ATP2B3: variants seen among roughly 807,000 people sequenced by gnomAD.
ATP2B3 encodes ATPase plasma membrane Ca2+ transporting 3.
A neutral mutation model predicts 70.8 loss-of-function variants in ATP2B3; 12 were observed. That is an observed-to-expected ratio of 0.17 (90% CI 0.11 to 0.27). The LOEUF is 0.27. ATP2B3 is among the 10% of genes least tolerant of loss of function. The pLI is 1.00. For synonymous variants in ATP2B3, 460 were observed against 497.8 expected (o/e 0.92, Z 1.01); for missense variants, 858 against 1,118.5 (o/e 0.77, Z 3.32).
chrX:153,575,539 G>A (rs1274806449), intron 21 of ATP2B3, among the ~76,000 whole-genome samples: 1 of 111,920 alleles, frequency 8.9e-6, no homozygotes, highest in Non-Finnish European at 1.9e-5. Context: ...CTTGTAGCGG[G>A]GGAGACCAAG....
chrX:153,554,621 C>T (rs1158050763), intron 13 of ATP2B3, among the ~76,000 whole-genome samples: 3 of 112,844 alleles, frequency 2.7e-5, no homozygotes, highest in African/African-American at 9.7e-5. Context: ...GGCAGTAGGA[C>T]ACAAGGGCCT....
intron 21 of ATP2B3, among the ~76,000 whole-genome samples, chrX:153,566,371 C>T (rs952462185): frequency 8.9e-6 from 1 of 112,940 alleles, no homozygotes; most frequent in African/African-American, 3.2e-5. Flanking sequence ...CCAGCTCAAG[C>T]GGGAATAGGC....
At chrX:153,569,496 G>A (rs1557019222) in intron 21 of ATP2B3, 2 of 931,461 alleles carry the variant, frequency 2.1e-6, no homozygotes, top group Non-Finnish European at 3.0e-6. Context: ...AGGCTTTGCT[G>A]TCACCCTATG....
At chrX:153,537,595 C>G (rs782767591) in intron 3 of ATP2B3, among the ~76,000 whole-genome samples, 27 of 113,116 alleles carry the variant, frequency 2.4e-4, no homozygotes, top group Non-Finnish European at 4.5e-4. Context: ...GTCTCCCTAG[C>G]TTTGTGCCCT....
intron 20 of ATP2B3, among the ~76,000 whole-genome samples, chrX:153,563,348 C>T (rs782309665): frequency 9.1e-6 from 1 of 109,818 alleles, no homozygotes; most frequent in African/African-American, 3.3e-5. Context: ...GCCATGTTGC[C>T]CAGGCTGGTC....
intron 21 of ATP2B3, chrX:153,569,631 GCGGTT>G (rs1557019267): frequency 1.7e-6 from 2 of 1,211,569 alleles, no homozygotes; most frequent in East Asian, 5.9e-5. Flanking sequence ...TTCAAGAGAA[GCGGTT>G]CAGTTCAGGG....
Position 153,541,805 on chromosome X carries a change from G to A in ATP2B3, c.543G>A (p.Gln181=), listed in dbSNP as rs2090286280. Reference sequence around the variant, plus strand: ...TCAATGACTGGAGCAAGGAGAAGCAGTTCCGAGGCCTGCAGAGCCGAATTG... The same window carrying A: ...TCAATGACTGGAGCAAGGAGAAGCAATTCCGAGGCCTGCAGAGCCGAATTG... ...TAFNDWSKEK[Q]FRGLQSRIEQ... Residue 181 remains glutamine (Q), a synonymous_variant, in exon 5 of 22, where the codon CAG becomes CAA. Transcript: ENST00000263519. 12 of 1,211,737 alleles carry A rather than the reference G, an allele frequency of 9.9e-6. No individual in the cohort carries two copies. The highest frequency in any genetic ancestry group is 1.3e-5 in the Non-Finnish European group (12 of 895,533).
At chrX:153,526,581 C>A (rs1556999933) in intron 2 of ATP2B3, among the ~76,000 whole-genome samples, 1 of 112,339 alleles carries the variant, frequency 8.9e-6, no homozygotes, top group Non-Finnish European at 1.9e-5. Context: ...GCGATTCAGA[C>A]AGCAGCCAAG....
At chrX:153,548,126 G>T in intron 9 of ATP2B3, 127 bp downstream of exon 9, 1 of 932,335 alleles carries the variant, frequency 1.1e-6, no homozygotes, top group South Asian at 2.9e-5. Flanking sequence ...TGTGGGCCAG[G>T]CAGGCAAGGG....
intron 21 of ATP2B3, among the ~76,000 whole-genome samples, 165 bp from the exon 22 acceptor site, chrX:153,579,813 C>T (rs1557022187): frequency 8.9e-6 from 1 of 111,945 alleles, no homozygotes; most frequent in African/African-American, 3.3e-5. Context: ...ATTTCTCATG[C>T]CATGACCCCC....
rs1557003781 is a variant in ATP2B3, at chrX:153,536,206, G to A, written c.-42G>A. On this transcript the variant is annotated 5_prime_UTR_variant, in exon 3 of 22. Coordinates refer to ENST00000263519, the MANE Select transcript of ATP2B3 (RefSeq NM_001001344.3). ...GGGTGGCCGCCTGTCCCTAGCTGTG[G>A]CTGAGCCAAGATTGCACTTGTGAGA... is the stretch of plus-strand genomic sequence containing the variant. 1 of 1,166,411 alleles carries A rather than the reference G, an allele frequency of 8.6e-7. No individual in the cohort carries two copies. The highest frequency in any genetic ancestry group is 1.1e-6 in the Non-Finnish European group (1 of 870,493).
chrX:153,578,704 C>T (rs782315850), intron 21 of ATP2B3, among the ~76,000 whole-genome samples: 27 of 112,444 alleles, frequency 2.4e-4, no homozygotes, highest in Non-Finnish European at 4.7e-4. Context: ...CGGGAAGTTC[C>T]GCTGATCTGA....
intron 2 of ATP2B3, among the ~76,000 whole-genome samples, chrX:153,525,821 T>C (rs781891959): frequency 1.5e-3 from 165 of 113,113 alleles, no homozygotes; most frequent in East Asian, 5.3e-3. Context: ...GCAGCTAGGC[T>C]TGGAAACCTC....
At position 153,551,892 on chromosome X, in the gene ATP2B3, C is replaced by G. The variant is rs782422470; in HGVS notation, c.1824-1143C>G. On this transcript the variant is annotated intron_variant, in intron 12 of 21. Transcript: ENST00000263519. ...CCACAAGTCACCTCGCTCCTCATGACTGCCGTCCCAGGGCCCTCAGGGCAA... is the reference window on the plus strand; with the variant it reads ...CCACAAGTCACCTCGCTCCTCATGAGTGCCGTCCCAGGGCCCTCAGGGCAA... Among the ~76,000 whole-genome samples, 13 of 112,647 alleles carry G rather than the reference C, an allele frequency of 1.2e-4. No individual in the cohort carries two copies. The South Asian group carries it at 4.4e-3, about 38-fold the overall frequency.
At chrX:153,542,073 G>T (rs1292452728) in intron 5 of ATP2B3, 147 bp downstream of exon 5, 34 of 567,375 alleles carry the variant, frequency 6.0e-5, no homozygotes, top group Middle Eastern at 6.5e-4. Context: ...TGGCGGGGGT[G>T]GGGGAGGTGG....
intron 21 of ATP2B3, among the ~76,000 whole-genome samples, chrX:153,574,222 G>A (rs565706058): frequency 1.8e-5 from 2 of 112,503 alleles, no homozygotes; most frequent in South Asian, 7.4e-4. Context: ...TCGCTTTCAA[G>A]TTGTGATTCA....
chrX:153,579,283 C>G (rs1274338658), intron 21 of ATP2B3, among the ~76,000 whole-genome samples: 1 of 112,584 alleles, frequency 8.9e-6, no homozygotes, highest in African/African-American at 3.2e-5. Context: ...GTTGAGTGCC[C>G]TGAGGGATCA....
chrX:153,549,296 C>G (rs879959778), intron 10 of ATP2B3, among the ~76,000 whole-genome samples: 4 of 109,720 alleles, frequency 3.6e-5, no homozygotes, highest in Non-Finnish European at 7.6e-5. Context: ...GGGTGCGCAT[C>G]CCGCCCCCAC....
chrX:153,531,520 C>T (rs2090117784), intron 2 of ATP2B3, among the ~76,000 whole-genome samples: 1 of 113,077 alleles, frequency 8.8e-6, no homozygotes, highest in Non-Finnish European at 1.9e-5. Context: ...GAGCAGGTGA[C>T]GGACAGTCTG....
Sources: gnomAD v4.1 joint callset for allele counts (sites outside exome capture counted in the v4.1 genomes callset) on GRCh38, gnomAD v4.1.1 for gene constraint, MANE v1.5 for transcripts, NCBI Gene and HGNC (gene_info 2026-07-23, HGNC 2026-07-21) for gene names.